The following ECT2 variants were observed in gnomAD, a reference collection of about 807,000 sequenced individuals.
The protein encoded by ECT2 is protein ECT2.
In ECT2, 61 loss-of-function variants were observed where a neutral mutation model predicts 116.9. The ratio of observed to expected loss-of-function variants is 0.52; its 90% CI spans 0.42 to 0.65. ECT2 has a LOEUF of 0.65. Ranked by LOEUF, ECT2 falls within the 30% of genes least tolerant of loss-of-function variation. The pLI, the probability that ECT2 is intolerant of heterozygous loss-of-function variation, is 0.00. For synonymous variants in ECT2, 358 were observed against 346.4 expected (o/e 1.03, Z -0.37); for missense variants, 937 against 1,078.7 (o/e 0.87, Z 1.84).
intron 14 of ECT2, among the ~76,000 whole-genome samples, chr3:172,774,721 C>T (rs900575514): frequency 6.6e-6 from 1 of 152,130 alleles, no homozygotes; most frequent in Admixed American, 6.5e-5. Flanking sequence ...CCAGGCTGGT[C>T]TCAAACTCCT....
intron 22 of ECT2, among the ~76,000 whole-genome samples, chr3:172,814,335 A>G (rs1248331317): frequency 2.6e-5 from 4 of 152,060 alleles, no homozygotes; most frequent in Non-Finnish European, 4.4e-5. Context: ...TATGATTACT[A>G]TGGGTTAGGT....
chr3:172,791,678 A>T (rs1393474716), intron 18 of ECT2, among the ~76,000 whole-genome samples: 1 of 152,234 alleles, frequency 6.6e-6, no homozygotes, highest in Non-Finnish European at 1.5e-5. Flanking sequence ...TGAATTAGAT[A>T]GTGGCTTGTT....
At chr3:172,761,512 G>A (rs915351601) in intron 7 of ECT2, 98 bp from the exon 8 acceptor site, 1 of 742,506 alleles carries the variant, frequency 1.3e-6, no homozygotes, top group Non-Finnish European at 2.3e-6. Flanking sequence ...AGCAGATAGT[G>A]ATCTAAAACT....
chr3:172,752,753 C>G (rs550408646), intron 1 of ECT2, among the ~76,000 whole-genome samples: 2 of 152,302 alleles, frequency 1.3e-5, no homozygotes, highest in Non-Finnish European at 2.9e-5. Context: ...TTGTTGTTCA[C>G]TTTAAGACAT....
chr3:172,760,504 A>G (rs1176533568), intron 7 of ECT2, among the ~76,000 whole-genome samples: 1 of 150,930 alleles, frequency 6.6e-6, no homozygotes, highest in Non-Finnish European at 1.5e-5. Context: ...CTGCTTTCGA[A>G]CTCCTGGGCT....
chr3:172,754,170 A>G (rs1388917895), intron 1 of ECT2, among the ~76,000 whole-genome samples: 2 of 152,144 alleles, frequency 1.3e-5, no homozygotes, highest in Non-Finnish European at 2.9e-5. Flanking sequence ...GTGGTGTTAT[A>G]ATTGAATATA....
chr3:172,772,431 C>T (rs3898060), intron 13 of ECT2, among the ~76,000 whole-genome samples: 80,076 of 151,954 alleles, frequency 0.53, 22,019 homozygotes, highest in East Asian at 0.69. Flanking sequence ...CTCCTGACCT[C>T]GCGATCCGCC....
At chr3:172,763,021 A>C in intron 11 of ECT2, 49 bp downstream of exon 11, 2 of 1,581,496 alleles carry the variant, frequency 1.3e-6, no homozygotes, top group South Asian at 1.1e-5. Context: ...TGATTGTTTG[A>C]AAATAACACT....
chr3:172,776,475 G>GT (rs1368371503), intron 14 of ECT2, among the ~76,000 whole-genome samples: 9 of 151,896 alleles, frequency 5.9e-5, no homozygotes, highest in East Asian at 3.9e-4. Flanking sequence ...ACACATAGCA[G>GT]TTTTTTTTCC....
At chr3:172,751,391 A>AG in intron 1 of ECT2, among the ~76,000 whole-genome samples, 1 of 152,240 alleles carries the variant, frequency 6.6e-6, no homozygotes, top group South Asian at 2.1e-4. Flanking sequence ...GGCTTTGAAT[A>AG]CCTCTTTTAC....
At chr3:172,809,129 TTATCTG>T (rs895901384) in intron 22 of ECT2, among the ~76,000 whole-genome samples, 8 of 152,194 alleles carry the variant, frequency 5.3e-5, no homozygotes, top group African/African-American at 1.7e-4. Context: ...TAAAATGGTT[TTATCTG>T]TAGAAGTTCC....
intron 12 of ECT2, among the ~76,000 whole-genome samples, chr3:172,768,538 TTAC>T (rs1719973731): frequency 1.3e-5 from 2 of 152,354 alleles, no homozygotes; most frequent in South Asian, 2.1e-4. Flanking sequence ...ACTACATTAC[TTAC>T]TACATTATTA....
intron 4 of ECT2, 130 bp from the exon 5 acceptor site, chr3:172,756,853 A>G: frequency 1.3e-6 from 1 of 785,400 alleles, no homozygotes; most frequent in East Asian, 3.0e-5. Flanking sequence ...TGTGTGATAG[A>G]AACTTATTTT....
intron 18 of ECT2, among the ~76,000 whole-genome samples, chr3:172,800,737 A>T (rs2108996801): frequency 6.6e-6 from 1 of 152,278 alleles, no homozygotes; most frequent in African/African-American, 2.4e-5. Context: ...AGAAATGATG[A>T]CCACTGCTTC....
rs1468485643 is a variant in ECT2, at chr3:172,815,631, G to A, written c.2428G>A (p.Glu810Lys). Reference protein sequence around the residue: ...AENLIYTADPESFEVNTKDMD... With the variant: ...AENLIYTADPKSFEVNTKDMD... ...GAATCTTATTTATACTGCTGATCCA[G>A]AATCCTTTGAAGTAAATACAAAAGA... The change falls in exon 23 of 25, where the codon GAA (glutamate) becomes AAA (lysine). Residue 810 changes from glutamate to lysine, a missense_variant. Coordinates refer to ENST00000392692, the MANE Select transcript of ECT2 (RefSeq NM_001258315.2). 1 of 1,597,296 alleles carries A rather than the reference G, an allele frequency of 6.3e-7. No individual in the cohort carries two copies. Among genetic ancestry groups the A allele is most frequent in the South Asian group, 1.2e-5 (1 of 86,662 alleles).
intron 24 of ECT2, chr3:172,818,695 C>A (rs1451463507): frequency 1.2e-5 from 15 of 1,288,838 alleles, no homozygotes; most frequent in Non-Finnish European, 1.4e-5. Flanking sequence ...TTCAGAGATA[C>A]TAGAAGGAAA....
At chr3:172,782,302 A>G in intron 15 of ECT2, 71 bp downstream of exon 15, 1 of 827,964 alleles carries the variant, frequency 1.2e-6, no homozygotes, top group Non-Finnish European at 1.9e-6. Flanking sequence ...CAAGGAGTGT[A>G]ATTTGCCTAT....
intron 18 of ECT2, among the ~76,000 whole-genome samples, chr3:172,797,294 C>A (rs1336319203): frequency 1.3e-5 from 2 of 152,012 alleles, no homozygotes; most frequent in African/African-American, 4.8e-5. Flanking sequence ...CTAGGTCTCC[C>A]AAAGTGCTGG....
chr3:172,756,656 T>C (rs1407237778), intron 4 of ECT2, among the ~76,000 whole-genome samples: 2 of 152,226 alleles, frequency 1.3e-5, no homozygotes, highest in East Asian at 1.9e-4. Flanking sequence ...TTAAAAACTT[T>C]AGCATTCTAA....
Sources: allele counts gnomAD v4.1 joint callset (sites outside exome capture counted in the v4.1 genomes callset), GRCh38; gene constraint gnomAD v4.1.1; transcripts MANE v1.5; gene names NCBI Gene and HGNC (gene_info 2026-07-23, HGNC 2026-07-21).